Variants in NSD1 observed in about 807,000 individuals in gnomAD.
NSD1 encodes the protein nuclear receptor binding SET domain protein 1, also known as histone-lysine N-methyltransferase, H3 lysine-36 specific.
A neutral mutation model predicts 242.7 loss-of-function variants in NSD1; 26 were observed. That is an observed-to-expected ratio of 0.11 (90% CI 0.08 to 0.15). The LOEUF is 0.15. Among genes scored for constraint, NSD1 ranks in the 10% least tolerant of loss-of-function variants. The pLI is 1.00. For missense variants in NSD1, 2,495 were observed against 3,272.8 expected, an observed-to-expected ratio of 0.76 and a Z score of 5.80; for synonymous variants, 1,106 against 1,178.1, an observed-to-expected ratio of 0.94 and a Z score of 1.25.
intron 2 of NSD1, among the ~76,000 whole-genome samples, chr5:177,162,297 TAA>T (rs546547200): frequency 1.1e-4 from 16 of 142,550 alleles, no homozygotes; most frequent in East Asian, 2.0e-4. Flanking sequence ...GACTCGGTCT[TAA>T]AAAAAAAAAA....
intron 2 of NSD1, among the ~76,000 whole-genome samples, chr5:177,151,904 A>G (rs1433780740): frequency 1.3e-5 from 2 of 151,800 alleles, no homozygotes; most frequent in Non-Finnish European, 2.9e-5. Flanking sequence ...CCCATCGCCC[A>G]GGCTGGAGTG....
intron 3 of NSD1, among the ~76,000 whole-genome samples, chr5:177,202,501 C>T (rs1392506890): frequency 6.6e-6 from 1 of 152,076 alleles, no homozygotes; most frequent in Non-Finnish European, 1.5e-5. Context: ...TTCTCAGCCT[C>T]CCAAATAGAT....
Position 177,266,142 on chromosome 5 carries a change from A to C in NSD1, c.5147-1420A>C, listed in dbSNP as rs904397687. Reference sequence around the variant, plus strand: ...AAGATGAGGCTATTGGGCGCCAGCCACTTGTCCGGGCATAGAGCACAGTGT... The same window carrying C: ...AAGATGAGGCTATTGGGCGCCAGCCCCTTGTCCGGGCATAGAGCACAGTGT... On this transcript the variant is annotated intron_variant, in intron 14 of 22. Transcript: ENST00000439151. 7 of 1,106,744 alleles carry C rather than the reference A, an allele frequency of 6.3e-6. No homozygotes were observed. In the Admixed American group the frequency reaches 1.0e-4, roughly 16 times the overall value. The allele number at this position is 1,106,744 out of a possible 1,614,324, so 68.6% of individuals were successfully genotyped here. A position where few individuals can be genotyped will look rare whatever the true frequency, so the allele number is the denominator to read the frequency against.
In NSD1 at chr5:177,265,626, C is replaced by G. The variant is rs1448165387; in HGVS notation, c.5147-1936C>G. The G allele has an allele frequency of 2.8e-5, 44 of 1,555,450 alleles. No homozygotes were observed. In the South Asian group the frequency reaches 4.6e-4, roughly 16 times the overall value. On this transcript the variant is annotated intron_variant, in intron 14 of 22. Coordinates refer to ENST00000439151, the MANE Select transcript of NSD1 (RefSeq NM_022455.5). Reference sequence around the variant, plus strand: ...AGGTCGCACAGATGGCCCCTGAAATCTAGGTTGATGGTGAAGTCCCGGTCC... The same window carrying G: ...AGGTCGCACAGATGGCCCCTGAAATGTAGGTTGATGGTGAAGTCCCGGTCC...
intron 2 of NSD1, among the ~76,000 whole-genome samples, chr5:177,156,846 A>G (rs1012600325): frequency 6.6e-6 from 1 of 151,942 alleles, no homozygotes; most frequent in Non-Finnish European, 1.5e-5. Flanking sequence ...CAGCCTGGCC[A>G]ACATGGTGGA....
At position 177,295,696 on chromosome 5, in the gene NSD1, C is replaced by G; in HGVS notation, c.*237C>G. The G allele has an allele frequency of 5.1e-6, 3 of 583,582 alleles. No homozygotes were observed. The allele number at this position is 583,582 out of a possible 1,614,324, so 36.2% of individuals were successfully genotyped here. On this transcript the variant is annotated 3_prime_UTR_variant, in exon 23 of 23. Transcript: ENST00000439151. The surrounding 1 kb of genome is among the most constrained non-coding windows in gnomAD (Gnocchi z 4.3). ...GGCCCCAACCAAGGAGACAGACAGACTTGGGTCTCTTTCCCCCAACTTTTC... is the reference window on the plus strand; with the variant it reads ...GGCCCCAACCAAGGAGACAGACAGAGTTGGGTCTCTTTCCCCCAACTTTTC...
At chr5:177,190,760 C>G (rs1308537052) in intron 2 of NSD1, among the ~76,000 whole-genome samples, 4 of 151,588 alleles carry the variant, frequency 2.6e-5, no homozygotes, top group Non-Finnish European at 4.4e-5. Flanking sequence ...AGCTCCGCCT[C>G]CTGGGTTCAC....
chr5:177,135,284 T>C lies in NSD1; in HGVS notation c.181T>C (p.Tyr61His), dbSNP rs1364964092. 6.2e-7 allele frequency: 1 copy of C among 1,613,616 alleles called. No individual in the cohort carries two copies. The highest frequency in any genetic ancestry group is 8.5e-7 in the Non-Finnish European group (1 of 1,179,628). Residue 61 changes from tyrosine (Y) to histidine (H), a missense_variant, in exon 2 of 23, where the codon TAT becomes CAT. By Grantham distance (83) the Tyr-to-His change is moderately conservative (BLOSUM62 2). Coordinates refer to ENST00000439151, the MANE Select transcript of NSD1 (RefSeq NM_022455.5). ...TGTCAGTGGAACATCCCAAAATGCT[T>C]ATGGACAAGATTCTCCATCTTGTTA... ...STVSGTSQNA[Y>H]GQDSPSCYIP... is the part of the protein sequence containing the mutation.
At chr5:177,266,256 C>A (rs1757448798) in intron 14 of NSD1, 2 of 772,982 alleles carry the variant, frequency 2.6e-6, no homozygotes, top group East Asian at 5.2e-5. Context: ...ATCTCCTCCA[C>A]CTTCCCCTTG....
At chr5:177,174,589 G>A (rs1760023005) in intron 2 of NSD1, among the ~76,000 whole-genome samples, 1 of 150,636 alleles carries the variant, frequency 6.6e-6, no homozygotes, top group Non-Finnish European at 1.5e-5. Flanking sequence ...ACGGAGTCTT[G>A]CTCTTGTCAC....
intron 3 of NSD1, among the ~76,000 whole-genome samples, chr5:177,197,043 G>A (rs973303372): frequency 1.3e-5 from 2 of 152,188 alleles, no homozygotes; most frequent in Non-Finnish European, 2.9e-5. Flanking sequence ...GAGGCGGGCG[G>A]ATCACTTGAG....
At chr5:177,289,793 T>C (rs953671303) in intron 21 of NSD1, among the ~76,000 whole-genome samples, 1 of 151,938 alleles carries the variant, frequency 6.6e-6, no homozygotes, top group African/African-American at 2.4e-5. Flanking sequence ...ATCATTTCCA[T>C]GTCTATATTC....
intron 2 of NSD1, among the ~76,000 whole-genome samples, chr5:177,150,883 A>G (rs1003871605): frequency 1.3e-5 from 2 of 152,194 alleles, no homozygotes; most frequent in African/African-American, 4.8e-5. Context: ...AATAACAGAC[A>G]TTAATGCTAC....
intron 2 of NSD1, among the ~76,000 whole-genome samples, chr5:177,138,562 T>G (rs913048200): frequency 4.0e-5 from 6 of 151,654 alleles, no homozygotes; most frequent in African/African-American, 1.2e-4. Context: ...ATCCCCTAAT[T>G]TATTATTTTA....
At chr5:177,205,246 G>T (rs1229754257) in intron 4 of NSD1, among the ~76,000 whole-genome samples, 1 of 152,012 alleles carries the variant, frequency 6.6e-6, no homozygotes, top group Admixed American at 6.6e-5. Context: ...ATATTGGCCA[G>T]GCTGGTCTTG....
In NSD1 at chr5:177,257,221, TTTC is replaced by T. The variant is rs2149912947; in HGVS notation, c.4966+73_4966+75del. On this transcript the variant is annotated intron_variant, in intron 13 of 22. Coordinates refer to ENST00000439151, the MANE Select transcript of NSD1 (RefSeq NM_022455.5). Reference sequence around the variant, plus strand: ...TTAATTGGCAACAGATATTTTCTTTTTTCTTTCTTTTTTTTTTTTTTTTTTTGG... The same window carrying T: ...TTAATTGGCAACAGATATTTTCTTTTTTTCTTTTTTTTTTTTTTTTTTTGG... The T allele has an allele frequency of 2.6e-5, 33 of 1,260,088 alleles. No individual in the cohort carries two copies. In the East Asian group the frequency reaches 7.6e-4, roughly 29 times the overall value. 78.1% of individuals were successfully genotyped at this position (1,260,088 alleles called of 1,614,324 possible).
rs1395663172 is a variant in NSD1 at position 177,211,098 on chromosome 5, C to G, written c.2699C>G (p.Pro900Arg). ...TCTGCTTCTAGTCAGAATCACATAC[C>G]TATTGAACCAGACTACAAATTCAGT... ...FSSASSQNHI[P>R]IEPDYKFSTL... Residue 900 changes from proline to arginine, a missense_variant, in exon 5 of 23, where the codon CCT (proline) becomes CGT (arginine). Physicochemically the swap from Pro to Arg is moderately radical, Grantham distance 103. Around this residue, in one of 19 missense-constraint regions of NSD1, gnomAD observed 121 missense variants for 167.2 expected, o/e 0.72. Coordinates refer to ENST00000439151, the MANE Select transcript of NSD1 (RefSeq NM_022455.5). The G allele has an allele frequency of 5.6e-6, 9 of 1,614,148 alleles. No individual in the cohort carries two copies. Among genetic ancestry groups the G allele is most frequent in the Non-Finnish European group, 7.6e-6 (9 of 1,180,028 alleles).
At chr5:177,192,109 T>A in intron 3 of NSD1, 90 bp downstream of exon 3, 2 of 1,190,282 alleles carry the variant, frequency 1.7e-6, no homozygotes, top group Admixed American at 2.7e-5. Context: ...ATTTTTTTCC[T>A]TGGAACATTT....
chr5:177,238,067 G>A lies in NSD1; in HGVS notation c.3922-170G>A, dbSNP rs1301841237. ...ATATACTTGAAATCATACGATATTT[G>A]TTCTTTGTGTCTTAAGTAATTTCCC... On this transcript the variant is annotated intron_variant, in intron 6 of 22. Coordinates refer to ENST00000439151, the MANE Select transcript of NSD1 (RefSeq NM_022455.5). This position sits in a 1 kb window ranked among gnomAD's most constrained non-coding sequence, Gnocchi z 4.6. 1.3e-5 allele frequency among the ~76,000 whole-genome samples: 2 copies of A among 151,498 alleles called. No homozygotes were observed. The highest frequency in any genetic ancestry group is 2.9e-5 in the Non-Finnish European group (2 of 67,850).
Sources: allele counts gnomAD v4.1 joint callset (sites outside exome capture counted in the v4.1 genomes callset), GRCh38; gene constraint gnomAD v4.1.1; regional missense constraint gnomAD v4.1.1; non-coding constraint Gnocchi (gnomAD v3.1); transcripts MANE v1.5; gene names NCBI Gene and HGNC (gene_info 2026-07-23, HGNC 2026-07-21).